Variants in NPAT observed in about 807,000 individuals in gnomAD.
The protein encoded by NPAT is nuclear protein, coactivator of histone transcription.
NPAT carries 52 observed loss-of-function variants against 130.7 expected under a neutral mutation model. That is an observed-to-expected ratio of 0.40 (90% CI 0.32 to 0.50). NPAT has a LOEUF of 0.50. Among genes scored for constraint, NPAT ranks in the 20% least tolerant of loss-of-function variants. The probability of loss-of-function intolerance (pLI) is 0.68; values close to 1 mark genes in which losing one functional copy is unlikely to be tolerated. For synonymous variants in NPAT, 580 were observed against 584.8 expected (o/e 0.99, Z 0.12); for missense variants, 1,687 against 1,662.6 (o/e 1.01, Z -0.26).
In NPAT at chr11:108,185,216, C is replaced by T. The variant is rs767062262; in HGVS notation, c.906+16G>A. 3 of 1,583,462 alleles carry T rather than the reference C, an allele frequency of 1.9e-6. No individual in the cohort carries two copies. Among genetic ancestry groups the T allele is most frequent in the Non-Finnish European group, 2.6e-6 (3 of 1,154,336 alleles). On this transcript the variant is annotated intron_variant, in intron 10 of 17. Coordinates refer to ENST00000278612, the MANE Select transcript of NPAT (RefSeq NM_002519.3). Reference sequence around the variant, plus strand: ...AGTAACACACACGCACCCATGCACACCCCAACCACCCATACCGGAAGTCCT... The same window carrying T: ...AGTAACACACACGCACCCATGCACATCCCAACCACCCATACCGGAAGTCCT...
At chr11:108,195,061 A>C (rs148565826) in intron 2 of NPAT, among the ~76,000 whole-genome samples, 7,238 of 152,110 alleles carry the variant, frequency 0.048, 225 homozygotes, top group Non-Finnish European at 0.071. Context: ...TGACCTCGCT[A>C]TCCACTCGCC....
chr11:108,214,039 C>T (rs950363548), intron 1 of NPAT, among the ~76,000 whole-genome samples: 2 of 152,040 alleles, frequency 1.3e-5, no homozygotes, highest in Non-Finnish European at 2.9e-5. Context: ...AGGCATGTAC[C>T]ACCAAATAAA....
chr11:108,192,999 T>C (rs997594388), intron 3 of NPAT, among the ~76,000 whole-genome samples: 1 of 151,806 alleles, frequency 6.6e-6, no homozygotes, highest in Non-Finnish European at 1.5e-5. Context: ...AAAAAAAACA[T>C]ATGAAAGCAC....
At chr11:108,207,333 G>A (rs925820369) in intron 1 of NPAT, among the ~76,000 whole-genome samples, 3 of 152,248 alleles carry the variant, frequency 2.0e-5, no homozygotes, top group Non-Finnish European at 4.4e-5. Context: ...CTGGCCCCCA[G>A]GCTTTAGCTG....
At chr11:108,204,916 C>T (rs546031528) in intron 1 of NPAT, among the ~76,000 whole-genome samples, 50 of 152,204 alleles carry the variant, frequency 3.3e-4, no homozygotes, top group East Asian at 2.9e-3. Flanking sequence ...AATCCTAGAA[C>T]GACAGAAATG....
rs369127683 is a variant in NPAT at position 108,161,242 on chromosome 11, C to T, written c.3844G>A (p.Glu1282Lys). 18 of 1,614,020 alleles carry T rather than the reference C, an allele frequency of 1.1e-5. No individual in the cohort carries two copies. The highest frequency in any genetic ancestry group is 1.4e-5 in the Non-Finnish European group (16 of 1,179,946). ...GGGGCCTTGATAATATCTATAGGTT[C>T]TTCTTTATGTTTTTCCCCTGCCCCT... Reference protein sequence around the residue: ...GSGAGEKHKEEPIDIIKAPSS... With the variant: ...GSGAGEKHKEKPIDIIKAPSS... The change falls in exon 17 of 18, where the codon GAA becomes AAA. Residue 1282 changes from glutamate (E) to lysine (K), a missense_variant. This residue lies in a region of NPAT where 1,379 missense variants were observed against 1,346.6 expected (regional missense o/e 1.02). Transcript: ENST00000278612.
intron 15 of NPAT, among the ~76,000 whole-genome samples, chr11:108,165,776 G>A (rs2077896893): frequency 6.6e-6 from 1 of 151,876 alleles, no homozygotes; most frequent in African/African-American, 2.4e-5. Context: ...TGGGACTACA[G>A]GCACCCACCA....
At chr11:108,212,100 C>A (rs925015476) in intron 1 of NPAT, among the ~76,000 whole-genome samples, 8 of 150,556 alleles carry the variant, frequency 5.3e-5, no homozygotes, top group African/African-American at 2.0e-4. Flanking sequence ...CAAGTAACAT[C>A]ATCTTCAATG....
Position 108,161,161 on chromosome 11 carries a change from C to T in NPAT, c.3925G>A (p.Val1309Ile). Residue 1309 changes from valine to isoleucine, a missense_variant, in exon 17 of 18, where the codon GTC (valine) becomes ATC (isoleucine). This residue lies in a region of NPAT where 1,379 missense variants were observed against 1,346.6 expected (regional missense o/e 1.02). Coordinates refer to ENST00000278612, the MANE Select transcript of NPAT (RefSeq NM_002519.3). ...CTGCAGGCAGGCAAGTCTGGGGTGA[C>T]AGGAGGGACCATTACTTTTGATGTA... ...SSTSKVMVPP[V>I]TPDLPACSPA... 6.2e-7 allele frequency: 1 copy of T among 1,614,134 alleles called. No homozygotes were observed. Among genetic ancestry groups the T allele is most frequent in the Non-Finnish European group, 8.5e-7 (1 of 1,180,026 alleles).
rs62642487 is a variant in NPAT, at chr11:108,169,795, C to G, written c.2959G>C (p.Val987Leu). ...VCNRSIPQFP[V>L]PPKSQKAQGL... ...TGAGCCTTCTGAGATTTTGGAGGGA[C>G]GGGGAATTGAGGGATACTTCTATTG... Residue 987 changes from valine to leucine, a missense_variant, in exon 15 of 18, where the codon GTC becomes CTC. By Grantham distance (32) the Val-to-Leu change is conservative. Transcript: ENST00000278612. The G allele has an allele frequency of 3.1e-6, 5 of 1,613,834 alleles. No individual in the cohort carries two copies. The highest frequency in any genetic ancestry group is 3.4e-6 in the Non-Finnish European group (4 of 1,179,870).
intron 1 of NPAT, among the ~76,000 whole-genome samples, chr11:108,219,250 C>T (rs2078461463): frequency 6.6e-6 from 1 of 152,152 alleles, no homozygotes; most frequent in Non-Finnish European, 1.5e-5. Flanking sequence ...GTAGAGTCTC[C>T]TCTAAGACTA....
chr11:108,170,190 A>G, intron 13 of NPAT, 147 bp from the exon 14 acceptor site: 1 of 607,574 alleles, frequency 1.6e-6, no homozygotes, highest in Non-Finnish European at 2.9e-6. Flanking sequence ...CAAAAACAAA[A>G]CAAAACAAAA....
At chr11:108,160,804 C>T in intron 17 of NPAT, 76 bp downstream of exon 17, 1 of 1,338,294 alleles carries the variant, frequency 7.5e-7, no homozygotes, top group Non-Finnish European at 1.0e-6. Flanking sequence ...GTTGTTGTGG[C>T]AAGAACTGCT....
In NPAT at chr11:108,197,210, T is replaced by A. The variant is rs529366586; in HGVS notation, c.156+92A>T. The A allele has an allele frequency of 7.0e-5, 67 of 956,434 alleles. No individual in the cohort carries two copies. In the African/African-American group the frequency reaches 9.2e-4, roughly 13 times the overall value. 59.2% of individuals were successfully genotyped at this position (956,434 alleles called of 1,614,324 possible). Reference sequence around the variant, plus strand: ...ATAAACCACCAAATTTCTGCCAATTTCAATTTTTTTTTTCTGATAAGCTGA... The same window carrying A: ...ATAAACCACCAAATTTCTGCCAATTACAATTTTTTTTTTCTGATAAGCTGA... On this transcript the variant is annotated intron_variant, in intron 2 of 17. Coordinates refer to ENST00000278612, the MANE Select transcript of NPAT (RefSeq NM_002519.3).
intron 15 of NPAT, among the ~76,000 whole-genome samples, chr11:108,166,046 G>C (rs2077900017): frequency 6.6e-6 from 1 of 151,380 alleles, no homozygotes; most frequent in African/African-American, 2.4e-5. Context: ...GCCTCCCAAA[G>C]TGCTGGAATT....
chr11:108,163,284 C>T (rs1222987068), intron 15 of NPAT, among the ~76,000 whole-genome samples: 1 of 151,930 alleles, frequency 6.6e-6, no homozygotes, highest in Non-Finnish European at 1.5e-5. Flanking sequence ...TTCACTACGT[C>T]AGCCAGGCCA....
At chr11:108,187,771 T>A (rs1182996586) in intron 7 of NPAT, among the ~76,000 whole-genome samples, 1 of 151,994 alleles carries the variant, frequency 6.6e-6, no homozygotes, top group Admixed American at 6.6e-5. Context: ...GCATAGAACA[T>A]AACTGTATTA....
At chr11:108,185,356 T>A in intron 9 of NPAT, 37 bp from the exon 10 acceptor site, 1 of 1,579,502 alleles carries the variant, frequency 6.3e-7, no homozygotes, top group Non-Finnish European at 8.7e-7. Flanking sequence ...ATTATAGTTA[T>A]GCAATTAGGC....
chr11:108,173,408 G>T lies in NPAT; in HGVS notation c.1576C>A (p.Leu526Ile), dbSNP rs201294142. ...AAAAGTTGAGAACTCTTCCCAGAGAGAATTAAGTTTTCATTGTTAGCTTCA... is the reference window on the plus strand; with the variant it reads ...AAAAGTTGAGAACTCTTCCCAGAGATAATTAAGTTTTCATTGTTAGCTTCA... ...GCEANNENLI[L>I]SGKSSQLLSQ... Residue 526 changes from leucine to isoleucine, a missense_variant, in exon 13 of 18, where the codon CTC becomes ATC. By Grantham distance (5) the Leu-to-Ile change is conservative. Around this residue, in one of 3 missense-constraint regions of NPAT, gnomAD observed 1,379 missense variants for 1,346.6 expected, o/e 1.02. Transcript: ENST00000278612. The T allele has an allele frequency of 3.1e-6, 5 of 1,613,990 alleles. No homozygotes were observed. The highest frequency in any genetic ancestry group is 3.4e-6 in the Non-Finnish European group (4 of 1,179,990).
Sources: allele counts gnomAD v4.1 joint callset (sites outside exome capture counted in the v4.1 genomes callset), GRCh38; gene constraint gnomAD v4.1.1; regional missense constraint gnomAD v4.1.1; transcripts MANE v1.5; gene names NCBI Gene and HGNC (gene_info 2026-07-23, HGNC 2026-07-21).